DOCK2: variants seen among roughly 807,000 people sequenced by gnomAD.
The protein encoded by DOCK2 is dedicator of cytokinesis 2.
Under a neutral mutation model 248.9 loss-of-function variants are expected in DOCK2, and 87 were observed. That is an observed-to-expected ratio of 0.35 (90% CI 0.29 to 0.42). The LOEUF is 0.42. DOCK2 is among the 10% of genes least tolerant of loss of function. The pLI is 1.00. For synonymous variants in DOCK2, 805 were observed against 821.6 expected, an observed-to-expected ratio of 0.98 and a Z score of 0.35; for missense variants, 1,747 against 2,300.2, an observed-to-expected ratio of 0.76 and a Z score of 4.92.
chr5:169,737,492 G>A (rs1376135260), intron 22 of DOCK2, among the ~76,000 whole-genome samples: 7 of 152,148 alleles, frequency 4.6e-5, no homozygotes, highest in Non-Finnish European at 1.0e-4. Flanking sequence ...TCTCCAAAAA[G>A]TGATGTCTTT....
intron 27 of DOCK2, among the ~76,000 whole-genome samples, chr5:169,846,629 T>TGTACATATATAC (rs1418366448): frequency 2.6e-5 from 4 of 151,378 alleles, no homozygotes; most frequent in African/African-American, 9.7e-5. Context: ...CACACATATA[T>TGTACATATATAC]ACACACATAT....
chr5:170,048,648 G>A lies in DOCK2; in HGVS notation c.4071+1034G>A, dbSNP rs76855567. ...CAGAAAGCTCCATCGTACACTCATG[G>A]GAGAATGAGAATGAAAAGGATAAAT... is the stretch of plus-strand genomic sequence containing the variant. On this transcript the variant is annotated intron_variant, in intron 40 of 51. Transcript: ENST00000520908. Among the ~76,000 whole-genome samples the A allele has an allele frequency of 7.5e-3, 1,138 of 152,250 alleles. 15 individuals carry two copies. Among genetic ancestry groups the A allele is most frequent in the African/African-American group, 0.027 (1,103 of 41,536 alleles).
rs142937668 is a variant in DOCK2, at chr5:170,051,267, C to T, written c.4213+870C>T. 2.0e-5 allele frequency among the ~76,000 whole-genome samples: 3 copies of T among 152,358 alleles called. No individual in the cohort carries two copies. The East Asian group carries it at 5.8e-4, about 29-fold the overall frequency. On this transcript the variant is annotated intron_variant, in intron 41 of 51. Coordinates refer to ENST00000520908, the MANE Select transcript of DOCK2 (RefSeq NM_004946.3). ...TAAAATCAAAACTGCTAAGCAAGGC[C>T]TGCAAGGCCATCCATGATCTGACCC... is the stretch of plus-strand genomic sequence containing the variant.
At chr5:170,070,288 G>A (rs569628835) in intron 46 of DOCK2, among the ~76,000 whole-genome samples, 4 of 152,250 alleles carry the variant, frequency 2.6e-5, no homozygotes, top group Non-Finnish European at 5.9e-5. Context: ...AGCTTTTGTG[G>A]TTGGGAGTTT....
At chr5:169,931,973 C>G (rs922945898) in intron 27 of DOCK2, among the ~76,000 whole-genome samples, 1 of 152,202 alleles carries the variant, frequency 6.6e-6, no homozygotes, top group Non-Finnish European at 1.5e-5. Flanking sequence ...CTGCTGCCTG[C>G]CAGGAACTGC....
chr5:169,682,970 C>T (rs2113362445), intron 7 of DOCK2, among the ~76,000 whole-genome samples: 1 of 152,236 alleles, frequency 6.6e-6, no homozygotes, highest in Middle Eastern at 3.4e-3. Context: ...ACATTTTGGT[C>T]CTTTTTATTA....
chr5:170,016,738 C>T (rs1226450622), intron 32 of DOCK2, among the ~76,000 whole-genome samples: 2 of 152,204 alleles, frequency 1.3e-5, no homozygotes, highest in Admixed American at 1.3e-4. Context: ...TTCTCCATTC[C>T]GTGGTGGCTT....
chr5:169,905,682 T>C (rs1045780045), intron 27 of DOCK2, among the ~76,000 whole-genome samples: 17 of 152,142 alleles, frequency 1.1e-4, no homozygotes, highest in Non-Finnish European at 5.9e-5. Context: ...CCAGGCTGTG[T>C]GCTGTCATAC....
At chr5:169,652,960 G>A (rs1420577048) in intron 1 of DOCK2, among the ~76,000 whole-genome samples, 1 of 152,176 alleles carries the variant, frequency 6.6e-6, no homozygotes, top group African/African-American at 2.4e-5. Context: ...AAGGTAAAAG[G>A]AGGTAATTAT....
At position 169,830,024 on chromosome 5, in the gene DOCK2, G is replaced by A. The variant is rs182389734; in HGVS notation, c.2704-10733G>A. The stretch of plus-strand genomic sequence containing the variant: ...ATTTATATAATAGGATCCCTGATGT[G>A]GGGATATTTATCTTGCTTGTTACAT... On this transcript the variant is annotated intron_variant, in intron 26 of 51. Transcript: ENST00000520908. Among the ~76,000 whole-genome samples, 513 of 152,290 alleles carry A rather than the reference G, an allele frequency of 3.4e-3. 10 individuals are homozygous for A. The South Asian group carries it at 0.053, about 16-fold the overall frequency.
rs919394525 is a variant in DOCK2, at chr5:169,764,167, C to T, written c.2554+2542C>T. 2.0e-5 allele frequency among the ~76,000 whole-genome samples: 3 copies of T among 152,154 alleles called. No homozygotes were observed. Among genetic ancestry groups the T allele is most frequent in the Non-Finnish European group, 4.4e-5 (3 of 68,028 alleles). On this transcript the variant is annotated intron_variant, in intron 25 of 51. Transcript: ENST00000520908. This position sits in a 1 kb window ranked among gnomAD's most constrained non-coding sequence, Gnocchi z 4.3. ...TGTGAAGTGTCCTGTGCCTCGGGGACGTGATTTGCTTTGAGCCTGCACTCA... is the reference window on the plus strand; with the variant it reads ...TGTGAAGTGTCCTGTGCCTCGGGGATGTGATTTGCTTTGAGCCTGCACTCA...
chr5:170,072,233 C>T (rs1757701029), intron 46 of DOCK2, among the ~76,000 whole-genome samples: 1 of 152,012 alleles, frequency 6.6e-6, no homozygotes. Flanking sequence ...GGTTATTTTG[C>T]CTGTTCTTGA....
chr5:169,921,238 G>T (rs1775159380), intron 27 of DOCK2, among the ~76,000 whole-genome samples: 1 of 152,164 alleles, frequency 6.6e-6, no homozygotes, highest in Non-Finnish European at 1.5e-5. Flanking sequence ...TATTCCTCCT[G>T]ATGTAAGATT....
chr5:170,080,138 G>C (rs966448987), intron 49 of DOCK2, 25 bp from the exon 50 acceptor site: 7 of 1,613,670 alleles, frequency 4.3e-6, no homozygotes, highest in Non-Finnish European at 5.9e-6. Flanking sequence ...GTGTGTGTGT[G>C]TGTGTGTCTG....
intron 25 of DOCK2, among the ~76,000 whole-genome samples, chr5:169,792,112 A>AAATGAGAGACAGTGGGTCAGG (rs1766375311): frequency 6.6e-6 from 1 of 152,190 alleles, no homozygotes; most frequent in Non-Finnish European, 1.5e-5. Flanking sequence ...GGTGTGATGT[A>AAATGAGAGACAGTGGGTCAGG]AATGAGAGAC....
intron 44 of DOCK2, among the ~76,000 whole-genome samples, chr5:170,062,423 C>A (rs1413313938): frequency 6.6e-6 from 1 of 152,058 alleles, no homozygotes; most frequent in Non-Finnish European, 1.5e-5. Context: ...CTACCAGGCA[C>A]TGAGTAAACA....
At position 170,004,915 on chromosome 5, in the gene DOCK2, G is replaced by T. The variant is rs1209374515; in HGVS notation, c.3073-3582G>T. On this transcript the variant is annotated intron_variant, in intron 30 of 51. Coordinates refer to ENST00000520908, the MANE Select transcript of DOCK2 (RefSeq NM_004946.3). ...GGGAATATCACACTCTGGGGACTGT[G>T]GTGGGGTGGGGGGAGGGGGGAGGGA... Among the ~76,000 whole-genome samples the T allele has an allele frequency of 6.8e-5, 9 of 131,806 alleles. No individual in the cohort carries two copies. In the East Asian group the frequency reaches 1.2e-3, roughly 18 times the overall value. The allele number at this position is 131,806 out of a possible 152,430, so 86.5% of individuals were successfully genotyped here.
At chr5:169,815,769 G>C (rs1768034952) in intron 26 of DOCK2, among the ~76,000 whole-genome samples, 1 of 151,898 alleles carries the variant, frequency 6.6e-6, no homozygotes, top group South Asian at 2.1e-4. Context: ...CCTAGTCCTG[G>C]CCCCTGCACA....
chr5:169,767,400 T>G (rs561526880), intron 25 of DOCK2, among the ~76,000 whole-genome samples: 80 of 152,360 alleles, frequency 5.3e-4, no homozygotes, highest in African/African-American at 1.9e-3. Context: ...CACTTGTCAA[T>G]TTTTGATTTT....
Sources: gnomAD v4.1 joint callset for allele counts (sites outside exome capture counted in the v4.1 genomes callset) on GRCh38, gnomAD v4.1.1 for gene constraint, Gnocchi (gnomAD v3.1) non-coding constraint, MANE v1.5 for transcripts, NCBI Gene and HGNC (gene_info 2026-07-23, HGNC 2026-07-21) for gene names.